SPPL2A: variants seen among roughly 807,000 people sequenced by gnomAD.
SPPL2A encodes the protein signal peptide peptidase-like 2A.
A neutral mutation model predicts 63.8 loss-of-function variants in SPPL2A; 51 were observed. The observed-to-expected ratio is 0.80, with a 90% CI of 0.64 to 1.01. SPPL2A has a LOEUF of 1.01. Ranked by LOEUF, SPPL2A falls within the 50% of genes least tolerant of loss-of-function variation. SPPL2A has a pLI of 0.00. For missense variants in SPPL2A, 553 were observed against 622.7 expected (o/e 0.89, Z 1.19); for synonymous variants, 188 against 205.8 (o/e 0.91, Z 0.74).
intron 14 of SPPL2A, among the ~76,000 whole-genome samples, chr15:50,713,807 C>T (rs1177549472): frequency 1.3e-5 from 2 of 152,096 alleles, no homozygotes; most frequent in Admixed American, 6.6e-5. Flanking sequence ...GTCAATGAGT[C>T]GAGAAATAAC....
rs1041726970 is a variant in SPPL2A, at chr15:50,702,588, C to T, written c.*5212G>A. The stretch of plus-strand genomic sequence containing the variant: ...AAGGTATAAAACAGGCAAAAATTAC[C>T]TAATTTACATTGACTTGTCCTACTA... On this transcript the variant is annotated 3_prime_UTR_variant, in exon 15 of 15. Coordinates refer to ENST00000261854, the MANE Select transcript of SPPL2A (RefSeq NM_032802.4). 1 of 152,012 alleles carries T rather than the reference C, an allele frequency of 6.6e-6. No homozygotes were observed. The highest frequency in any genetic ancestry group is 2.1e-4 in the South Asian group (1 of 4,826). 9.4% of individuals were successfully genotyped at this position (152,012 alleles called of 1,614,324 possible).
At chr15:50,708,745 AATT>A (rs2141015639) in intron 14 of SPPL2A, among the ~76,000 whole-genome samples, 1 of 151,130 alleles carries the variant, frequency 6.6e-6, no homozygotes, top group South Asian at 2.1e-4. Context: ...ATTTTAAAGA[AATT>A]ATCAGCTGGG....
At chr15:50,712,842 C>A (rs1452457419) in intron 14 of SPPL2A, among the ~76,000 whole-genome samples, 1 of 151,646 alleles carries the variant, frequency 6.6e-6, no homozygotes, top group African/African-American at 2.4e-5. Flanking sequence ...CCTGCCACCA[C>A]ACCTGGCTAA....
chr15:50,709,035 CAA>C (rs778639988), intron 14 of SPPL2A, among the ~76,000 whole-genome samples: 10 of 129,102 alleles, frequency 7.7e-5, no homozygotes, highest in Non-Finnish European at 6.7e-5. Flanking sequence ...AGACTCCGAC[CAA>C]AAAAAAAAAA....
intron 5 of SPPL2A, chr15:50,743,287 C>G (rs12595118): frequency 0.25 from 37,751 of 151,770 alleles, 5,598 homozygotes; most frequent in East Asian, 0.55. Context: ...ATAAAACACA[C>G]AATGCAAAAT....
intron 12 of SPPL2A, among the ~76,000 whole-genome samples, chr15:50,724,278 T>C (rs1273242783): frequency 1.3e-5 from 2 of 152,050 alleles, no homozygotes; most frequent in African/African-American, 4.8e-5. Context: ...ATAGGAAGAC[T>C]AAGAAAAATG....
rs1213653250 is a variant in SPPL2A at position 50,703,123 on chromosome 15, A to G, written c.*4677T>C. ...AGGCTGGAGTGCAGTCACTATTCAC[A>G]GACACAATCACAGCTCACTACAGCC... On this transcript the variant is annotated 3_prime_UTR_variant, in exon 15 of 15. Coordinates refer to ENST00000261854, the MANE Select transcript of SPPL2A (RefSeq NM_032802.4). 6.7e-6 allele frequency: 1 copy of G among 150,356 alleles called. No homozygotes were observed. The highest frequency in any genetic ancestry group is 1.5e-5 in the Non-Finnish European group (1 of 67,686). 9.3% of individuals were successfully genotyped at this position (150,356 alleles called of 1,614,324 possible). A position where few individuals can be genotyped will look rare whatever the true frequency, so the allele number is the denominator to read the frequency against.
chr15:50,719,681 C>T (rs2062628663), intron 14 of SPPL2A, among the ~76,000 whole-genome samples: 1 of 151,688 alleles, frequency 6.6e-6, no homozygotes, highest in Middle Eastern at 3.2e-3. Flanking sequence ...TTTGAAAATA[C>T]ATGTTGAAAT....
chr15:50,739,594 A>G, intron 6 of SPPL2A, 86 bp downstream of exon 6: 3 of 981,726 alleles, frequency 3.1e-6, no homozygotes, highest in Non-Finnish European at 4.3e-6. Context: ...TCCAGGTAGA[A>G]TGGCTTAAAG....
chr15:50,749,426 T>C (rs1009463709), intron 2 of SPPL2A, among the ~76,000 whole-genome samples: 2 of 152,062 alleles, frequency 1.3e-5, no homozygotes, highest in South Asian at 2.1e-4. Context: ...TAGCTGGGAC[T>C]ACAGGCGCCT....
At chr15:50,713,531 C>T (rs1463595790) in intron 14 of SPPL2A, among the ~76,000 whole-genome samples, 1 of 152,032 alleles carries the variant, frequency 6.6e-6, no homozygotes. Flanking sequence ...TCCCAAAGTG[C>T]TGGGATTACA....
In SPPL2A at chr15:50,703,907, T is replaced by C. The variant is rs565374676; in HGVS notation, c.*3893A>G. The C allele has an allele frequency of 1.3e-5, 2 of 152,268 alleles. No individual in the cohort carries two copies. The highest frequency in any genetic ancestry group is 3.9e-4 in the East Asian group (2 of 5,178). The allele number at this position is 152,268 out of a possible 1,614,324, so 9.4% of individuals were successfully genotyped here. ...AGAGCAAAGAAAACTGGAAAGCTCA[T>C]TTGTATTTATTATAAATGTATCAAT... On this transcript the variant is annotated 3_prime_UTR_variant, in exon 15 of 15. Transcript: ENST00000261854.
Position 50,732,630 on chromosome 15 carries a change from A to C in SPPL2A, c.987T>G (p.Ile329Met). The part of the protein sequence containing the change: ...ILGIAFCLNL[I>M]KTLKLPNFKS... ...TGAAGTTGGGCAACTTCAGTGTTTT[A>C]ATTAAATTCAGACAGAAAGCAATCC... Residue 329 changes from isoleucine (I) to methionine (M), a missense_variant, in exon 9 of 15, where the codon ATT becomes ATG. By Grantham distance (10) the Ile-to-Met change is conservative. Coordinates refer to ENST00000261854, the MANE Select transcript of SPPL2A (RefSeq NM_032802.4). 1.2e-6 allele frequency: 2 copies of C among 1,610,116 alleles called. No homozygotes were observed. The highest frequency in any genetic ancestry group is 1.7e-6 in the Non-Finnish European group (2 of 1,176,986).
At chr15:50,748,246 T>G (rs2062875242) in intron 3 of SPPL2A, 44 bp from the exon 4 acceptor site, 1 of 720,010 alleles carries the variant, frequency 1.4e-6, no homozygotes, top group African/African-American at 1.9e-5. Context: ...TACTAATATA[T>G]TTATAGAATA....
chr15:50,765,501 C>T lies in SPPL2A; in HGVS notation c.33G>A (p.Gly11=), dbSNP rs1194290492. 6.7e-7 allele frequency: 1 copy of T among 1,502,814 alleles called. No homozygotes were observed. 93.1% of individuals were successfully genotyped at this position (1,502,814 alleles called of 1,614,324 possible). The change falls in exon 1 of 15, where the codon GGG becomes GGA. Residue 11 remains glycine (G), a synonymous_variant. Coordinates refer to ENST00000261854, the MANE Select transcript of SPPL2A (RefSeq NM_032802.4). MGPQRRLSPA[G]AALLWGFLLQ... ...GCAGGAAGCCCCAGAGTAGGGCGGC[C>T]CCGGCAGGGGACAGCCGCCGCTGCG...
chr15:50,704,316 T>C lies in SPPL2A; in HGVS notation c.*3484A>G, dbSNP rs1285620785. 2 of 125,160 alleles carry C rather than the reference T, an allele frequency of 1.6e-5. No individual in the cohort carries two copies. Among genetic ancestry groups the C allele is most frequent in the East Asian group, 2.5e-4 (1 of 3,992 alleles). The allele number at this position is 125,160 out of a possible 1,614,324, so 7.8% of individuals were successfully genotyped here. On this transcript the variant is annotated 3_prime_UTR_variant, in exon 15 of 15. Transcript: ENST00000261854. ...GATATCATGCCATTGCACTCCAGCC[T>C]GGGCAAAAAGAGCGAAACTCTGTCT...
At chr15:50,755,606 T>G (rs1294411462) in intron 1 of SPPL2A, among the ~76,000 whole-genome samples, 1 of 114,766 alleles carries the variant, frequency 8.7e-6, no homozygotes, top group African/African-American at 3.6e-5. Context: ...AGGGCCTAGG[T>G]GACAGAAGGA....
chr15:50,759,074 A>G (rs1169178541), intron 1 of SPPL2A, among the ~76,000 whole-genome samples: 3 of 151,798 alleles, frequency 2.0e-5, no homozygotes, highest in Admixed American at 6.6e-5. Flanking sequence ...CTAATTTATA[A>G]AGTTTTTTTA....
At chr15:50,747,253 A>G (rs1421589262) in intron 5 of SPPL2A, among the ~76,000 whole-genome samples, 5 of 152,132 alleles carry the variant, frequency 3.3e-5, no homozygotes, top group Non-Finnish European at 7.3e-5. Context: ...AAACATTTTA[A>G]CTTAAAAGGG....
Sources: gnomAD v4.1 joint callset for allele counts (sites outside exome capture counted in the v4.1 genomes callset) on GRCh38, gnomAD v4.1.1 for gene constraint, MANE v1.5 for transcripts, NCBI Gene and HGNC (gene_info 2026-07-23, HGNC 2026-07-21) for gene names.